Variants in NF1 observed in about 807,000 individuals in gnomAD.
NF1 encodes the protein neurofibromin.
Under a neutral mutation model 325.7 loss-of-function variants are expected in NF1, and 122 were observed. That is an observed-to-expected ratio of 0.37 (90% CI 0.32 to 0.44). NF1 has a LOEUF of 0.44. Ranked by LOEUF, NF1 falls within the 20% of genes least tolerant of loss-of-function variation. The probability of loss-of-function intolerance (pLI) is 1.00; values close to 1 mark genes in which losing one functional copy is unlikely to be tolerated. For synonymous variants in NF1, 1,091 were observed against 1,186.0 expected, an observed-to-expected ratio of 0.92 and a Z score of 1.65; for missense variants, 2,140 against 3,415.4, an observed-to-expected ratio of 0.63 and a Z score of 9.31.
chr17:31,233,923 A>G (rs998677158), intron 27 of NF1, among the ~76,000 whole-genome samples: 21 of 151,478 alleles, frequency 1.4e-4, no homozygotes, highest in African/African-American at 4.8e-4. Flanking sequence ...CCTGTCCTAC[A>G]AGGCTCTACC....
intron 11 of NF1, among the ~76,000 whole-genome samples, chr17:31,205,174 C>T (rs1395144670): frequency 1.3e-5 from 2 of 152,098 alleles, no homozygotes; most frequent in East Asian, 3.9e-4. Context: ...CGATGCTATT[C>T]AAAATATTCT....
At chr17:31,295,470 T>C in intron 36 of NF1, 1 of 1,614,166 alleles carries the variant, frequency 6.2e-7, no homozygotes, top group Non-Finnish European at 8.5e-7. Flanking sequence ...GAGTTAATGG[T>C]GTCCACTGTC....
At chr17:31,356,660 A>C in intron 52 of NF1, 78 bp downstream of exon 52, 1 of 1,578,616 alleles carries the variant, frequency 6.3e-7, no homozygotes, top group Non-Finnish European at 8.6e-7. Flanking sequence ...TTTTCCAGCC[A>C]TTTCTTAGAA....
rs1392881095 is a variant in NF1 at position 31,336,624 on chromosome 17, C to T, written c.6148-11C>T. 3 of 1,585,040 alleles carry T rather than the reference C, an allele frequency of 1.9e-6. No individual in the cohort carries two copies. Among genetic ancestry groups the T allele is most frequent in the Non-Finnish European group, 2.6e-6 (3 of 1,166,142 alleles). ...TTTTTTTTTAAAAAAAAAAATCCTG[C>T]TTCTTTACAGGTTATTGGAAGGATG... On this transcript the variant is annotated splice_polypyrimidine_tract_variant and intron_variant, in intron 41 of 57. Coordinates refer to ENST00000358273, the MANE Select transcript of NF1 (RefSeq NM_001042492.3). The surrounding 1 kb of genome is among the most constrained non-coding windows in gnomAD (Gnocchi z 5.5).
intron 5 of NF1, among the ~76,000 whole-genome samples, chr17:31,172,204 G>A (rs770925999): frequency 2.0e-4 from 30 of 152,148 alleles, no homozygotes; most frequent in East Asian, 1.9e-4. Flanking sequence ...ACACGCACCT[G>A]TAGTCCCAGC....
intron 1 of NF1, among the ~76,000 whole-genome samples, chr17:31,097,326 C>T (rs1463065669): frequency 3.3e-5 from 5 of 151,826 alleles, no homozygotes; most frequent in Non-Finnish European, 5.9e-5. Flanking sequence ...GGCATGGTGG[C>T]GGGCGCCTGT....
rs2151556493 is a variant in NF1, at chr17:31,337,534, T to A, written c.6594T>A (p.Ala2198=). The change falls in exon 43 of 58, where the codon GCT becomes GCA. Residue 2198 remains alanine (A), a synonymous_variant. Coordinates refer to ENST00000358273, the MANE Select transcript of NF1 (RefSeq NM_001042492.3). ...SPGSYERETF[A]LTSLETVTEA... is the part of the protein sequence containing the mutation. Reference sequence around the variant, plus strand: ...GCTCCTATGAGAGAGAGACTTTTGCTTTGACATCCTTGGAAACAGTCACAG... The same window carrying A: ...GCTCCTATGAGAGAGAGACTTTTGCATTGACATCCTTGGAAACAGTCACAG... The A allele has an allele frequency of 6.2e-7, 1 of 1,614,148 alleles. No homozygotes were observed. Among genetic ancestry groups the A allele is most frequent in the Non-Finnish European group, 8.5e-7 (1 of 1,179,984 alleles).
chr17:31,138,817 C>T (rs1460327160), intron 1 of NF1, among the ~76,000 whole-genome samples: 5 of 151,126 alleles, frequency 3.3e-5, no homozygotes, highest in East Asian at 1.9e-4. Flanking sequence ...CTCCTGATGT[C>T]GTGATATGCC....
intron 12 of NF1, among the ~76,000 whole-genome samples, chr17:31,214,131 T>C (rs1235088666): frequency 6.6e-6 from 1 of 152,140 alleles, no homozygotes; most frequent in Non-Finnish European, 1.5e-5. Context: ...TTCCCTTATG[T>C]TTTTACATTT....
At chr17:31,201,307 G>A in intron 10 of NF1, 104 bp from the exon 11 acceptor site, 1 of 1,333,832 alleles carries the variant, frequency 7.5e-7, no homozygotes, top group Non-Finnish European at 1.0e-6. Flanking sequence ...AAAACTTAGT[G>A]TTTTTTTTTT....
chr17:31,356,692 A>G, intron 52 of NF1, 110 bp downstream of exon 52: 1 of 1,468,370 alleles, frequency 6.8e-7, no homozygotes, highest in Non-Finnish European at 9.3e-7. Context: ...AAATATAGAA[A>G]CGTTTGCCAT....
chr17:31,318,255 C>A, intron 36 of NF1: 1 of 1,543,006 alleles, frequency 6.5e-7, no homozygotes, highest in Non-Finnish European at 8.7e-7. Context: ...CAACTGACTT[C>A]ATTTTTACTC....
chr17:31,313,196 C>G (rs989986719), intron 36 of NF1, among the ~76,000 whole-genome samples: 1 of 152,072 alleles, frequency 6.6e-6, no homozygotes, highest in African/African-American at 2.4e-5. Flanking sequence ...AGTGACCATT[C>G]TTACTATGCA....
chr17:31,296,041 T>C lies in NF1; in HGVS notation c.4836-29779T>C. On this transcript the variant is annotated intron_variant, in intron 36 of 57. Coordinates refer to ENST00000358273, the MANE Select transcript of NF1 (RefSeq NM_001042492.3). ...CAGACATGTTCCACAGAGACCGAGG[T>C]AAGTGAGCAGGCAGGCTTTCAAGCC... 6.2e-7 allele frequency: 1 copy of C among 1,613,970 alleles called. No individual in the cohort carries two copies. The highest frequency in any genetic ancestry group is 8.5e-7 in the Non-Finnish European group (1 of 1,179,958).
chr17:31,252,876 T>C, intron 30 of NF1, 62 bp from the exon 31 acceptor site: 1 of 1,321,434 alleles, frequency 7.6e-7, no homozygotes, highest in Non-Finnish European at 1.1e-6. Flanking sequence ...CAAGCCAACA[T>C]TGTTTTTGTT....
At chr17:31,350,422 A>T in intron 50 of NF1, 104 bp downstream of exon 50, 5 of 961,602 alleles carry the variant, frequency 5.2e-6, no homozygotes, top group Non-Finnish European at 8.1e-6. Flanking sequence ...ACATGGGAGA[A>T]ATCTAGAGAT....
At chr17:31,217,142 A>G (rs1281130067) in intron 13 of NF1, among the ~76,000 whole-genome samples, 1 of 152,208 alleles carries the variant, frequency 6.6e-6, no homozygotes, top group Non-Finnish European at 1.5e-5. Context: ...TTGGCATTCA[A>G]TAAAAATGAT....
At chr17:31,172,079 T>G (rs772932247) in intron 5 of NF1, among the ~76,000 whole-genome samples, 30 of 152,106 alleles carry the variant, frequency 2.0e-4, no homozygotes, top group Non-Finnish European at 3.7e-4. Flanking sequence ...CCAGGCCTGG[T>G]GGCTCACACA....
intron 48 of NF1, among the ~76,000 whole-genome samples, chr17:31,343,773 T>C (rs1369423474): frequency 6.6e-6 from 1 of 152,018 alleles, no homozygotes; most frequent in Non-Finnish European, 1.5e-5. Context: ...CTGGGCAATA[T>C]GGTGAAACCC....
Sources: allele counts gnomAD v4.1 joint callset (sites outside exome capture counted in the v4.1 genomes callset), GRCh38; gene constraint gnomAD v4.1.1; non-coding constraint Gnocchi (gnomAD v3.1); transcripts MANE v1.5; gene names NCBI Gene and HGNC (gene_info 2026-07-23, HGNC 2026-07-21).